ROR2: variants seen among roughly 807,000 people sequenced by gnomAD.
ROR2 encodes ROR family WNT receptor 2.
A neutral mutation model predicts 74.9 loss-of-function variants in ROR2; 33 were observed. The ratio of observed to expected loss-of-function variants is 0.44; its 90% CI spans 0.33 to 0.59. ROR2 has a LOEUF of 0.59. ROR2 is among the 20% of genes least tolerant of loss of function. The probability of loss-of-function intolerance (pLI) is 0.02; values close to 1 mark genes in which losing one functional copy is unlikely to be tolerated. For synonymous variants in ROR2, 586 were observed against 558.7 expected (o/e 1.05, Z -0.69); for missense variants, 1,216 against 1,313.8 (o/e 0.93, Z 1.15).
intron 1 of ROR2, among the ~76,000 whole-genome samples, chr9:91,826,939 T>C (rs1016290020): frequency 6.6e-6 from 1 of 152,158 alleles, no homozygotes; most frequent in Non-Finnish European, 1.5e-5. Flanking sequence ...TTACAGAAAA[T>C]TGGGAAAGTG....
chr9:91,878,792 C>A (rs1044085657), intron 1 of ROR2, among the ~76,000 whole-genome samples: 4 of 152,136 alleles, frequency 2.6e-5, no homozygotes, highest in African/African-American at 9.7e-5. Context: ...GAAACAAAGA[C>A]GGGGGCCGGG....
At chr9:91,804,592 G>A (rs542660003) in intron 1 of ROR2, among the ~76,000 whole-genome samples, 2 of 152,160 alleles carry the variant, frequency 1.3e-5, no homozygotes, top group Non-Finnish European at 1.5e-5. Context: ...AGCGTCATGC[G>A]GCCTGTACTT....
chr9:91,776,736 C>A (rs4467997), intron 1 of ROR2, among the ~76,000 whole-genome samples: 49,993 of 152,080 alleles, frequency 0.33, 8,378 homozygotes, highest in Middle Eastern at 0.42. Flanking sequence ...TGAAATTTTA[C>A]ATCAGCACAT....
intron 1 of ROR2, among the ~76,000 whole-genome samples, chr9:91,790,973 T>A (rs992392808): frequency 2.6e-5 from 4 of 152,196 alleles, no homozygotes; most frequent in Admixed American, 2.6e-4. Context: ...GTTTAAAAAA[T>A]TTATATAGTA....
At chr9:91,919,173 T>A (rs891449600) in intron 1 of ROR2, among the ~76,000 whole-genome samples, 9 of 152,194 alleles carry the variant, frequency 5.9e-5, no homozygotes, top group Admixed American at 1.3e-4. Context: ...AGGATAACAA[T>A]ATTGGCTTTT....
intron 1 of ROR2, among the ~76,000 whole-genome samples, chr9:91,900,591 G>A (rs931253476): frequency 1.3e-5 from 2 of 152,246 alleles, no homozygotes; most frequent in African/African-American, 4.8e-5. Flanking sequence ...ACAAGCTTCT[G>A]GAAGAGAGTG....
Position 91,730,937 on chromosome 9 carries a change from T to A in ROR2, c.1156A>T (p.Met386Leu). ...CACGAGGGTACGTCACACAGTTCCATGCGTACGTTTTTATTCTGCGTAAAG... is the reference window on the plus strand; with the variant it reads ...CACGAGGGTACGTCACACAGTTCCAAGCGTACGTTTTTATTCTGCGTAAAG... ...WCFTQNKNVR[M>L]ELCDVPSCSP... Residue 386 changes from methionine to leucine, a missense_variant, in exon 7 of 9, where the codon ATG (methionine) becomes TTG (leucine). Physicochemically the swap from Met to Leu is conservative, Grantham distance 15. Transcript: ENST00000375708. 1 of 1,614,116 alleles carries A rather than the reference T, an allele frequency of 6.2e-7. No homozygotes were observed.
chr9:91,724,338 G>A lies in ROR2; in HGVS notation c.2156C>T (p.Ala719Val). The A allele has an allele frequency of 6.2e-7, 1 of 1,613,452 alleles. No homozygotes were observed. The highest frequency in any genetic ancestry group is 1.6e-4 in the Middle Eastern group (1 of 6,062). The change falls in exon 9 of 9, where the codon GCC becomes GTC. Residue 719 changes from alanine to valine, a missense_variant. By Grantham distance (64) the Ala-to-Val change is moderately conservative (BLOSUM62 0). Transcript: ENST00000375708. Reference protein sequence around the residue: ...QVLPCPDDCPAWVYALMIECW... With the variant: ...QVLPCPDDCPVWVYALMIECW... ...CTCGATCATGAGGGCATACACCCAG[G>A]CGGGACAGTCATCGGGGCAAGGCAG...
chr9:91,926,252 G>A (rs1204838626), intron 1 of ROR2, among the ~76,000 whole-genome samples: 4 of 151,902 alleles, frequency 2.6e-5, no homozygotes, highest in South Asian at 4.2e-4. Context: ...GGCATGTGGC[G>A]GGCGCCTGTA....
intron 1 of ROR2, among the ~76,000 whole-genome samples, chr9:91,853,238 C>G (rs1829169246): frequency 6.6e-6 from 1 of 152,150 alleles, no homozygotes; most frequent in African/African-American, 2.4e-5. Context: ...TCAGAGGGCA[C>G]CAGGACTCAA....
chr9:91,891,762 C>T (rs1453266907), intron 1 of ROR2, among the ~76,000 whole-genome samples: 2 of 152,120 alleles, frequency 1.3e-5, no homozygotes, highest in Non-Finnish European at 2.9e-5. Flanking sequence ...AAAGCCAGCA[C>T]AGGGGCTGGG....
intron 4 of ROR2, among the ~76,000 whole-genome samples, chr9:91,751,518 C>T (rs1015881959): frequency 6.6e-6 from 1 of 152,026 alleles, no homozygotes; most frequent in African/African-American, 2.4e-5. Context: ...CTAAAAGGGA[C>T]TGTAAAAAGA....
chr9:91,854,974 G>A (rs923882092), intron 1 of ROR2, among the ~76,000 whole-genome samples: 1 of 152,028 alleles, frequency 6.6e-6, no homozygotes, highest in African/African-American at 2.4e-5. Context: ...TTTAGTAAAG[G>A]CAAATGAAAA....
At chr9:91,860,743 G>T (rs1829445995) in intron 1 of ROR2, among the ~76,000 whole-genome samples, 2 of 152,072 alleles carry the variant, frequency 1.3e-5, no homozygotes, top group African/African-American at 4.8e-5. Context: ...TTCTATCCAG[G>T]CCCATTGGAT....
intron 1 of ROR2, among the ~76,000 whole-genome samples, chr9:91,936,437 G>A (rs1026755962): frequency 2.0e-5 from 3 of 152,114 alleles, no homozygotes; most frequent in Non-Finnish European, 4.4e-5. Flanking sequence ...GCTGGCCTGT[G>A]GCCAAACTGA....
chr9:91,812,078 T>A lies in ROR2; in HGVS notation c.98-36260A>T, dbSNP rs76348229. ...AAAAAATGCAAAAAAAAAAAAAAAA[T>A]CTTATACTGTTTTAAGAAAGTGTAA... is the stretch of plus-strand genomic sequence containing the variant. On this transcript the variant is annotated intron_variant, in intron 1 of 8. Transcript: ENST00000375708. Among the ~76,000 whole-genome samples, 479 of 133,354 alleles carry A rather than the reference T, an allele frequency of 3.6e-3. 4 individuals are homozygous for A. The highest frequency in any genetic ancestry group is 0.013 in the African/African-American group (449 of 34,240). 87.5% of individuals were successfully genotyped at this position (133,354 alleles called of 152,430 possible).
At chr9:91,920,385 A>AG (rs1228733322) in intron 1 of ROR2, among the ~76,000 whole-genome samples, 1 of 152,212 alleles carries the variant, frequency 6.6e-6, no homozygotes, top group African/African-American at 2.4e-5. Context: ...ACATGCCTGT[A>AG]GTCTCAGCTA....
chr9:91,949,932 G>A lies in ROR2; in HGVS notation c.32C>T (p.Pro11Leu), dbSNP rs1832129075. MARGSALPRR[P>L]LLCIPAVWAA... ...CCAGACGGCCGGGATGCACAGCAGCGGCCGCCGCGGGAGCGCCGAGCCCCG... is the reference window on the plus strand; with the variant it reads ...CCAGACGGCCGGGATGCACAGCAGCAGCCGCCGCGGGAGCGCCGAGCCCCG... The change falls in exon 1 of 9, where the codon CCG (proline) becomes CTG (leucine). Residue 11 changes from proline (P) to leucine (L), a missense_variant. Coordinates refer to ENST00000375708, the MANE Select transcript of ROR2 (RefSeq NM_004560.4). 5.3e-6 allele frequency: 8 copies of A among 1,518,690 alleles called. No individual in the cohort carries two copies. The highest frequency in any genetic ancestry group is 6.2e-6 in the Non-Finnish European group (7 of 1,136,056). The allele number at this position is 1,518,690 out of a possible 1,614,324, so 94.1% of individuals were successfully genotyped here.
intron 1 of ROR2, among the ~76,000 whole-genome samples, chr9:91,844,938 G>A (rs113386584): frequency 7.9e-5 from 12 of 152,256 alleles, no homozygotes; most frequent in African/African-American, 2.4e-4. Context: ...TTCTACACAC[G>A]CATCCTAATG....
Sources: gnomAD v4.1 joint callset for allele counts (sites outside exome capture counted in the v4.1 genomes callset) on GRCh38, gnomAD v4.1.1 for gene constraint, MANE v1.5 for transcripts, NCBI Gene and HGNC (gene_info 2026-07-23, HGNC 2026-07-21) for gene names.